MAP4: variants seen among roughly 807,000 people sequenced by gnomAD.
The protein encoded by MAP4 is microtubule associated protein 4, also known as microtubule-associated protein 4.
In MAP4, 76 loss-of-function variants were observed where a neutral mutation model predicts 170.2. The ratio of observed to expected loss-of-function variants is 0.45; its 90% confidence interval spans 0.37 to 0.54. MAP4 has a LOEUF of 0.54. Among genes scored for constraint, MAP4 ranks in the 20% least tolerant of loss-of-function variants. MAP4 has a pLI of 0.00. For missense variants in MAP4, 2,506 were observed against 2,748.0 expected (o/e 0.91, Z 1.97); for synonymous variants, 909 against 994.5 (o/e 0.91, Z 1.62).
intron 1 of MAP4, among the ~76,000 whole-genome samples, chr3:48,008,518 T>C (rs951974153): frequency 3.3e-5 from 5 of 152,214 alleles, no homozygotes; most frequent in African/African-American, 9.7e-5. Flanking sequence ...TACTCATTCA[T>C]GGGCTGTAGC....
At chr3:48,007,354 C>T (rs1027911394) in intron 1 of MAP4, among the ~76,000 whole-genome samples, 8 of 152,156 alleles carry the variant, frequency 5.3e-5, no homozygotes, top group African/African-American at 1.7e-4. Context: ...GGCACAATGC[C>T]TAGTGGGCAT....
intron 10 of MAP4, chr3:47,891,140 A>AT (rs1414958189): frequency 6.5e-7 from 1 of 1,536,188 alleles, no homozygotes; most frequent in Non-Finnish European, 8.7e-7. Context: ...TCGCTGGCAA[A>AT]CCTGCGAGCA....
chr3:47,893,267 A>G lies in MAP4; in HGVS notation c.5434+9683T>C, dbSNP rs1445165250. The stretch of plus-strand genomic sequence containing the variant: ...TTTGGGGATAGATATTCTAATTATA[A>G]GACATTTGTGTGACAACATACCCCT... On this transcript the variant is annotated intron_variant, in intron 10 of 20. Transcript: ENST00000683076. Among the ~76,000 whole-genome samples, 8 of 152,298 alleles carry G rather than the reference A, an allele frequency of 5.3e-5. No homozygotes were observed. In the East Asian group the frequency reaches 7.7e-4, roughly 15 times the overall value.
chr3:47,952,159 A>G (rs1317485876), intron 3 of MAP4, among the ~76,000 whole-genome samples: 2 of 137,332 alleles, frequency 1.5e-5, no homozygotes, highest in Admixed American at 7.2e-5. Context: ...CCCGGCAGCC[A>G]CCCCGTCTGG....
intron 10 of MAP4, among the ~76,000 whole-genome samples, chr3:47,898,984 C>A (rs761366713): frequency 4.6e-5 from 7 of 152,048 alleles, no homozygotes; most frequent in Non-Finnish European, 1.0e-4. Context: ...CCACAGAACA[C>A]CCTGAGAATG....
chr3:47,967,625 C>T (rs1160342710), intron 3 of MAP4, among the ~76,000 whole-genome samples: 1 of 152,156 alleles, frequency 6.6e-6, no homozygotes, highest in Non-Finnish European at 1.5e-5. Flanking sequence ...GCATTCCAGC[C>T]TGTGCAACAA....
upstream of MAP4, among the ~76,000 whole-genome samples, chr3:48,017,237 C>T (rs1288571991): frequency 4.6e-5 from 7 of 152,152 alleles, no homozygotes; most frequent in Admixed American, 2.0e-4. Flanking sequence ...AGAAGCAGAG[C>T]GTGACAAAAT....
chr3:47,909,806 T>C lies in MAP4; in HGVS notation c.4615A>G (p.Asn1539Asp), dbSNP rs2100035047. The change falls in exon 9 of 21, where the codon AAT becomes GAT. Residue 1539 changes from asparagine (N) to aspartate (D), a missense_variant. This residue lies in a region of MAP4 where 2,008 missense variants were observed against 2,206.0 expected (regional missense o/e 0.91). Transcript: ENST00000683076. The stretch of plus-strand genomic sequence containing the variant: ...TGCCCTTCATCGATCCCTGCTTCAT[T>C]TTTCATGGAATCAGCAAGCTCAGCT... ...NKAELADSMK[N>D]EAGIDEGHVI... 6.2e-7 allele frequency: 1 copy of C among 1,613,910 alleles called. No homozygotes were observed. The highest frequency in any genetic ancestry group is 1.7e-5 in the Admixed American group (1 of 60,000).
intron 10 of MAP4, among the ~76,000 whole-genome samples, chr3:47,899,856 C>T (rs572875954): frequency 1.2e-4 from 18 of 152,308 alleles, no homozygotes; most frequent in African/African-American, 4.1e-4. Context: ...GAAGAAAGCG[C>T]ATGGATTCCT....
At chr3:48,025,304 T>C (rs898892990) in intron 1 of MAP4, among the ~76,000 whole-genome samples, 1 of 151,672 alleles carries the variant, frequency 6.6e-6, no homozygotes, top group African/African-American at 2.4e-5. Flanking sequence ...TTTTTTTTTT[T>C]TTTTTTGAGA....
At chr3:48,024,413 T>C (rs947283035) in intron 1 of MAP4, among the ~76,000 whole-genome samples, 1 of 152,206 alleles carries the variant, frequency 6.6e-6, no homozygotes, top group Non-Finnish European at 1.5e-5. Context: ...CAGAAAGACA[T>C]TTCCTATTTC....
chr3:47,932,208 T>C (rs1320591221), intron 3 of MAP4, among the ~76,000 whole-genome samples: 10 of 152,234 alleles, frequency 6.6e-5, no homozygotes, highest in Non-Finnish European at 1.2e-4. Context: ...CTGACCTCTT[T>C]CATTTAGCAC....
intron 1 of MAP4, among the ~76,000 whole-genome samples, chr3:48,032,579 C>T (rs755514786): frequency 1.3e-5 from 2 of 151,546 alleles, no homozygotes; most frequent in Non-Finnish European, 2.9e-5. Context: ...GCAGGAGAAT[C>T]GCTTGAACCC....
intron 1 of MAP4, among the ~76,000 whole-genome samples, chr3:48,087,739 GCA>G (rs1559929869): frequency 8.4e-5 from 5 of 59,580 alleles, no homozygotes; most frequent in East Asian, 8.1e-4. Flanking sequence ...GCACACACAC[GCA>G]CGCGCACACA....
intron 1 of MAP4, among the ~76,000 whole-genome samples, chr3:48,052,513 C>A (rs117755298): frequency 6.6e-6 from 1 of 152,182 alleles, no homozygotes; most frequent in African/African-American, 2.4e-5. Flanking sequence ...TGAGCCACCG[C>A]GTCCTGCCTG....
intron 8 of MAP4, 93 bp downstream of exon 8, chr3:47,914,722 CCA>C: frequency 1.4e-6 from 2 of 1,424,288 alleles, no homozygotes; most frequent in Non-Finnish European, 2.0e-6. Context: ...CTGCTGATTA[CCA>C]CCATACAACA....
chr3:47,885,477 C>T (rs892400078), intron 10 of MAP4, among the ~76,000 whole-genome samples: 8 of 152,152 alleles, frequency 5.3e-5, no homozygotes, highest in Non-Finnish European at 1.2e-4. Flanking sequence ...CTTCTTTCTA[C>T]CTCATATTCT....
chr3:47,919,220 C>T (rs372025944), intron 5 of MAP4, among the ~76,000 whole-genome samples: 116 of 152,088 alleles, frequency 7.6e-4, no homozygotes, highest in African/African-American at 2.7e-3. Flanking sequence ...CGTGAACCAC[C>T]GCGCCCGGCC....
At position 47,851,327 on chromosome 3, in the gene MAP4, G is replaced by A. The variant is rs552812353; in HGVS notation, c.*1607C>T. 2 of 152,234 alleles carry A rather than the reference G, an allele frequency of 1.3e-5. No individual in the cohort carries two copies. The highest frequency in any genetic ancestry group is 4.8e-5 in the African/African-American group (2 of 41,412). The allele number at this position is 152,234 out of a possible 1,614,324, so 9.4% of individuals were successfully genotyped here. A position where few individuals can be genotyped will look rare whatever the true frequency, so the allele number is the denominator to read the frequency against. On this transcript the variant is annotated 3_prime_UTR_variant, in exon 21 of 21. Coordinates refer to ENST00000683076, the MANE Select transcript of MAP4 (RefSeq NM_001385682.1). The stretch of plus-strand genomic sequence containing the variant: ...CCACAAGGCACTGCTACCTCAGAAA[G>A]GGGGAGGACCTGTCAGGCCCAGGAC...
Sources: allele counts gnomAD v4.1 joint callset (sites outside exome capture counted in the v4.1 genomes callset), GRCh38; gene constraint gnomAD v4.1.1; regional missense constraint gnomAD v4.1.1; transcripts MANE v1.5; gene names NCBI Gene and HGNC (gene_info 2026-07-23, HGNC 2026-07-21).